Variants in DNAJB1 observed in about 807,000 individuals in gnomAD.
DNAJB1 encodes the protein DnaJ heat shock protein family (Hsp40) member B1, also known as dnaJ homolog subfamily B member 1.
Under a neutral mutation model 24.0 loss-of-function variants are expected in DNAJB1, and 14 were observed. The ratio of observed to expected loss-of-function variants is 0.58; its 90% CI spans 0.39 to 0.91. DNAJB1 has a LOEUF of 0.91. Among genes scored for constraint, DNAJB1 ranks in the 40% least tolerant of loss-of-function variants. The probability of loss-of-function intolerance (pLI) is 0.00; values close to 1 mark genes in which losing one functional copy is unlikely to be tolerated. For missense variants in DNAJB1, 517 were observed against 458.1 expected (o/e 1.13, Z -1.17); for synonymous variants, 262 against 174.4 (o/e 1.50, Z -3.96).
At chr19:14,553,404 T>TCC (rs150894804), upstream of DNAJB1, among the ~76,000 whole-genome samples, 1,866 of 152,130 alleles carry the variant, frequency 0.012, 32 homozygotes, top group African/African-American at 0.043. Context: ...CAGCCCTTCC[T>TCC]CCCCACCCTG....
intron 1 of DNAJB1, among the ~76,000 whole-genome samples, chr19:14,546,543 G>A (rs1437140089): frequency 2.0e-5 from 3 of 152,110 alleles, no homozygotes; most frequent in Admixed American, 6.6e-5. Flanking sequence ...GCAACCTCCT[G>A]CAGAAATTTT....
intron 1 of DNAJB1, chr19:14,517,937 T>C (rs2072303103): frequency 2.0e-6 from 1 of 489,426 alleles, no homozygotes; most frequent in Admixed American, 4.4e-5. Flanking sequence ...TAGAAGCTTC[T>C]GGCCGAGCGG....
upstream of DNAJB1, among the ~76,000 whole-genome samples, chr19:14,519,167 A>G (rs1308634216): frequency 6.6e-6 from 1 of 152,214 alleles, no homozygotes; most frequent in Non-Finnish European, 1.5e-5. Context: ...CAGGAGTTCG[A>G]GACCAGCCTG....
chr19:14,546,294 ACTC>A (rs1488626192), intron 1 of DNAJB1, among the ~76,000 whole-genome samples: 1 of 150,620 alleles, frequency 6.6e-6, no homozygotes, highest in Non-Finnish European at 1.5e-5. Flanking sequence ...CTCTGAGAAA[ACTC>A]CACCCTAGGC....
chr19:14,540,249 T>C (rs1194764895), intron 1 of DNAJB1, among the ~76,000 whole-genome samples: 1 of 151,494 alleles, frequency 6.6e-6, no homozygotes, highest in East Asian at 1.9e-4. Context: ...TTTTTATTTT[T>C]ACTAGAGACA....
Position 14,515,667 on chromosome 19 carries a change from T to G in DNAJB1, c.*273A>C. ...CCTGGCCAGGGACTGGAGGTGGATG[T>G]GGGCCCATCCCGGGAGGGCTGCCAG... On this transcript the variant is annotated 3_prime_UTR_variant, in exon 3 of 3. Transcript: ENST00000254322. 4.7e-6 allele frequency: 2 copies of G among 421,202 alleles called. No homozygotes were observed. The highest frequency in any genetic ancestry group is 5.6e-5 in the South Asian group (2 of 35,756). The allele number at this position is 421,202 out of a possible 1,614,324, so 26.1% of individuals were successfully genotyped here. A position where few individuals can be genotyped will look rare whatever the true frequency, so the allele number is the denominator to read the frequency against.
At chr19:14,519,685 T>C (rs1184397441), upstream of DNAJB1, among the ~76,000 whole-genome samples, 2 of 152,178 alleles carry the variant, frequency 1.3e-5, no homozygotes, top group African/African-American at 4.8e-5. Context: ...GGGTCCCCAG[T>C]GCCTGGAACG....
chr19:14,522,984 C>T (rs926293364), upstream of DNAJB1, among the ~76,000 whole-genome samples: 29 of 152,140 alleles, frequency 1.9e-4, no homozygotes, highest in African/African-American at 6.7e-4. Flanking sequence ...GAAGCTGAGG[C>T]GGGTGGATCA....
At chr19:14,548,126 C>A (rs373246598) in intron 1 of DNAJB1, among the ~76,000 whole-genome samples, 1 of 152,054 alleles carries the variant, frequency 6.6e-6, no homozygotes, top group East Asian at 1.9e-4. Flanking sequence ...CCATGCCCAG[C>A]TAATTTTTTG....
Position 14,515,772 on chromosome 19 carries a change from C to G in DNAJB1, c.*168G>C. 1 of 652,766 alleles carries G rather than the reference C, an allele frequency of 1.5e-6. No individual in the cohort carries two copies. Among genetic ancestry groups the G allele is most frequent in the Non-Finnish European group, 2.6e-6 (1 of 390,178 alleles). The allele number at this position is 652,766 out of a possible 1,614,324, so 40.4% of individuals were successfully genotyped here. A position where few individuals can be genotyped will look rare whatever the true frequency, so the allele number is the denominator to read the frequency against. On this transcript the variant is annotated 3_prime_UTR_variant, in exon 3 of 3. Coordinates refer to ENST00000254322, the MANE Select transcript of DNAJB1 (RefSeq NM_006145.3). ...CTATAGCTCGAAAAACCACTGAAGT[C>G]TAGTGTGCGACTTTGAAAGATTGTA...
chr19:14,535,525 AAAAAAAAAAAAAAAAAAAATATATATAT>A (rs2072836908), intron 1 of DNAJB1, among the ~76,000 whole-genome samples: 4 of 60,330 alleles, frequency 6.6e-5, no homozygotes, highest in Non-Finnish European at 1.2e-4. Context: ...AAAAAAAAAA[AAAAAAAAAAAAAAAAAAAATATATATAT>A]ATATATATAT....
chr19:14,529,667 G>A (rs374421287), upstream of DNAJB1: 1 of 1,613,804 alleles, frequency 6.2e-7, no homozygotes, highest in Non-Finnish European at 8.5e-7. Flanking sequence ...AGCAGCAGCC[G>A]CGGAGCAGTA....
intron 1 of DNAJB1, among the ~76,000 whole-genome samples, chr19:14,558,755 T>TCAGCCCCTCC (rs1265614342): frequency 6.6e-6 from 1 of 152,112 alleles, no homozygotes; most frequent in African/African-American, 2.4e-5. Flanking sequence ...CCAGAGCATC[T>TCAGCCCCTCC]CAGCCCCTCC....
intron 1 of DNAJB1, among the ~76,000 whole-genome samples, chr19:14,539,215 C>T (rs1216667661): frequency 1.5e-5 from 2 of 130,848 alleles, no homozygotes; most frequent in African/African-American, 3.0e-5. Context: ...AGGATGGTCT[C>T]GATCTCCTGA....
Position 14,537,744 on chromosome 19 carries a change from G to GTTTT in DNAJB1, c.-213-9938_-213-9935dup, listed in dbSNP as rs533380690. Among the ~76,000 whole-genome samples the GTTTT allele has an allele frequency of 4.4e-4, 55 of 126,242 alleles. 1 individual carries two copies. The highest frequency in any genetic ancestry group is 4.4e-3 in the Middle Eastern group (1 of 226). 82.8% of individuals were successfully genotyped at this position (126,242 alleles called of 152,430 possible). The stretch of plus-strand genomic sequence containing the variant: ...GTGAATATAGTGCTTAATTATCAGT[G>GTTTT]TTTTTTTTTTTTTTTTTTTGAGACG... On this transcript the variant is annotated intron_variant, in intron 1 of 3. Coordinates refer to the DNAJB1 transcript ENST00000676982.
chr19:14,538,518 C>T lies in DNAJB1; in HGVS notation c.-213-10708G>A, dbSNP rs1055310442. On this transcript the variant is annotated intron_variant, in intron 1 of 3. Coordinates refer to the DNAJB1 transcript ENST00000676982. ...TTGGCACCTGACCTCTTTGGAAGGC[C>T]TCAAAACTCTTTTTTTTCTTTTTTT... 8.3e-5 allele frequency among the ~76,000 whole-genome samples: 12 copies of T among 144,872 alleles called. 1 individual carries two copies. The highest frequency in any genetic ancestry group is 6.5e-4 in the Admixed American group (9 of 13,898).
At chr19:14,523,570 C>A (rs1345806067) in intron 2 of DNAJB1, among the ~76,000 whole-genome samples, 2 of 151,524 alleles carry the variant, frequency 1.3e-5, no homozygotes, top group African/African-American at 2.4e-5. Flanking sequence ...CCTTGGCCTC[C>A]CAAAGTGCTG....
upstream of DNAJB1, chr19:14,529,856 C>T (rs769798947): frequency 1.1e-5 from 12 of 1,110,222 alleles, no homozygotes; most frequent in Admixed American, 2.1e-5. Flanking sequence ...CGTTGCGCCC[C>T]GGGCCACTCG....
At chr19:14,552,333 C>G (rs1400227936), upstream of DNAJB1, among the ~76,000 whole-genome samples, 1 of 150,424 alleles carries the variant, frequency 6.6e-6, no homozygotes, top group Non-Finnish European at 1.5e-5. Context: ...CGTGCCCGGC[C>G]TGCCTTTTCC....
Sources: gnomAD v4.1 joint callset for allele counts (sites outside exome capture counted in the v4.1 genomes callset) on GRCh38, gnomAD v4.1.1 for gene constraint, MANE v1.5 for transcripts, NCBI Gene and HGNC (gene_info 2026-07-23, HGNC 2026-07-21) for gene names.